The following CTSD variants were observed in gnomAD, a reference collection of about 807,000 sequenced individuals.
CTSD encodes cathepsin D, also known as ceroid-lipofuscinosis, neuronal 10.
In CTSD, 28 loss-of-function variants were observed where a neutral mutation model predicts 43.6. That is an observed-to-expected ratio of 0.64 (90% CI 0.48 to 0.88). The LOEUF (loss-of-function observed/expected upper bound fraction) is 0.88. Ranked by LOEUF, CTSD falls within the 40% of genes least tolerant of loss-of-function variation. The pLI, the probability that CTSD is intolerant of heterozygous loss-of-function variation, is 0.00. For synonymous variants in CTSD, 270 were observed against 249.8 expected, an observed-to-expected ratio of 1.08 and a Z score of -0.76; for missense variants, 485 against 555.2, an observed-to-expected ratio of 0.87 and a Z score of 1.27.
intron 5 of CTSD, 25 bp downstream of exon 5, chr11:1,757,299 A>T: frequency 6.3e-7 from 1 of 1,593,594 alleles, no homozygotes; most frequent in African/African-American, 1.3e-5. Context: ...AGCAACGCGG[A>T]GCGAGAGGGA....
In CTSD at chr11:1,763,855, T is replaced by A; in HGVS notation, c.5A>T (p.Gln2Leu). The change falls in exon 1 of 9, where the codon CAG (glutamine) becomes CTG (leucine). Residue 2 changes from glutamine (Q) to leucine (L), a missense_variant. Physicochemically the swap from Gln to Leu is moderately radical, Grantham distance 113. Coordinates refer to ENST00000236671, the MANE Select transcript of CTSD (RefSeq NM_001909.5). ...GGCGAGCGGCAGAAGGCTGGAGGGC[T>A]GCATGGCGGCGGCGGCCGGGTCGGA... Reference protein sequence around the residue: MQPSSLLPLALC... With the variant: MLPSSLLPLALC... The A allele has an allele frequency of 6.6e-7, 1 of 1,524,212 alleles. No individual in the cohort carries two copies. Among genetic ancestry groups the A allele is most frequent in the Non-Finnish European group, 8.8e-7 (1 of 1,141,232 alleles). The allele number at this position is 1,524,212 out of a possible 1,614,324, so 94.4% of individuals were successfully genotyped here.
intron 1 of CTSD, 130 bp from the exon 2 acceptor site, chr11:1,761,598 C>A (rs886999854): frequency 2.0e-6 from 2 of 994,344 alleles, no homozygotes; most frequent in African/African-American, 1.6e-5. Context: ...AAACTCCTGC[C>A]TGTCACCTGG....
At chr11:1,762,406 C>T (rs1487348376) in intron 1 of CTSD, 1 of 152,278 alleles carries the variant, frequency 6.6e-6, no homozygotes, top group Non-Finnish European at 1.5e-5. Context: ...GGTGTGAACC[C>T]ACTCCTTGTT....
intron 6 of CTSD, 149 bp downstream of exon 6, chr11:1,754,756 TG>T (rs1845788932): frequency 2.1e-6 from 2 of 966,866 alleles, no homozygotes; most frequent in Admixed American, 3.7e-5. Context: ...AGGAGGGGCA[TG>T]GAGGGCTGGT....
At chr11:1,757,814 C>T (rs1214690515) in intron 4 of CTSD, among the ~76,000 whole-genome samples, 1 of 152,208 alleles carries the variant, frequency 6.6e-6, no homozygotes, top group Non-Finnish European at 1.5e-5. Context: ...CACAGACGGG[C>T]AGGCCCCTTG....
At chr11:1,755,212 A>T (rs1419917469) in intron 5 of CTSD, 184 bp from the exon 6 acceptor site, 1 of 725,256 alleles carries the variant, frequency 1.4e-6, no homozygotes, top group East Asian at 2.7e-5. Flanking sequence ...TTCCCGGGGT[A>T]GGGCTGCTCT....
Position 1,762,139 on chromosome 11 carries a change from T to G in CTSD, c.69-671A>C, listed in dbSNP as rs1191159257. 4.3e-5 allele frequency: 7 copies of G among 162,112 alleles called. No homozygotes were observed. The East Asian group carries it at 1.3e-3, about 29-fold the overall frequency. The allele number at this position is 162,112 out of a possible 1,614,324, so 10.0% of individuals were successfully genotyped here. A position where few individuals can be genotyped will look rare whatever the true frequency, so the allele number is the denominator to read the frequency against. On this transcript the variant is annotated intron_variant, in intron 1 of 8. Transcript: ENST00000236671. ...TGTTTCTGGGCATCCGCACCTCTCC[T>G]CACTCCATGCGGCTCCACGAGGTCC... is the stretch of plus-strand genomic sequence containing the variant.
intron 6 of CTSD, 161 bp from the exon 7 acceptor site, chr11:1,754,299 G>A (rs1360713640): frequency 2.0e-5 from 16 of 804,332 alleles, no homozygotes; most frequent in Non-Finnish European, 3.0e-5. Context: ...AAGAGGGTGG[G>A]AGAGGAGACA....
rs1273386956 is a variant in CTSD at position 1,753,227 on chromosome 11, G to A, written c.*276C>T. The A allele has an allele frequency of 1.7e-5, 9 of 519,700 alleles. No homozygotes were observed. In the East Asian group the frequency reaches 3.1e-4, roughly 18 times the overall value. The allele number at this position is 519,700 out of a possible 1,614,324, so 32.2% of individuals were successfully genotyped here. On this transcript the variant is annotated 3_prime_UTR_variant, in exon 9 of 9. Coordinates refer to ENST00000236671, the MANE Select transcript of CTSD (RefSeq NM_001909.5). ...ACGAGCTCGGCTGCCAAGCTTGGGTGGGGTCTTCCAATGCACGAAACAGAT... is the reference window on the plus strand; with the variant it reads ...ACGAGCTCGGCTGCCAAGCTTGGGTAGGGTCTTCCAATGCACGAAACAGAT...
intron 4 of CTSD, chr11:1,757,833 C>T: frequency 1.9e-6 from 1 of 513,100 alleles, no homozygotes; most frequent in Non-Finnish European, 3.6e-6. Flanking sequence ...TGCTCCGCTC[C>T]CTGCTCCGAC....
rs766306266 is a variant in CTSD at position 1,755,020 on chromosome 11, T to C, written c.713A>G (p.Asp238Gly). 11 of 1,613,794 alleles carry C rather than the reference T, an allele frequency of 6.8e-6. No homozygotes were observed. The highest frequency in any genetic ancestry group is 9.3e-6 in the Non-Finnish European group (11 of 1,179,884). The stretch of plus-strand genomic sequence containing the variant: ...CATCAGCTCACCCCCAGGCTGCGCA[T>C]CTGGGTCCCTAGGAGGAAAAGGGAG... ...IFSFYLSRDPDAQPGGELMLG... is the reference protein window; with the variant it reads ...IFSFYLSRDPGAQPGGELMLG... Residue 238 changes from aspartate to glycine, a missense_variant, in exon 6 of 9, where the codon GAT becomes GGT. By Grantham distance (94) the Asp-to-Gly change is moderately conservative. Coordinates refer to ENST00000236671, the MANE Select transcript of CTSD (RefSeq NM_001909.5).
intron 1 of CTSD, chr11:1,762,489 AG>A (rs2133667418): frequency 6.6e-6 from 1 of 152,330 alleles, no homozygotes; most frequent in Non-Finnish European, 1.5e-5. Context: ...TGAGAGTACA[AG>A]GTCATAGCTG....
chr11:1,756,272 C>G (rs1005629508), intron 5 of CTSD, among the ~76,000 whole-genome samples: 2 of 152,232 alleles, frequency 1.3e-5, no homozygotes, highest in Non-Finnish European at 1.5e-5. Context: ...GACCCCTTTT[C>G]ACCTGGCTGC....
At chr11:1,759,416 G>A in intron 3 of CTSD, 100 bp downstream of exon 3, 3 of 1,547,540 alleles carry the variant, frequency 1.9e-6, no homozygotes, top group Non-Finnish European at 2.6e-6. Context: ...GGGGCCAAGA[G>A]GCAGGAGAAT....
intron 5 of CTSD, among the ~76,000 whole-genome samples, chr11:1,756,050 CCCT>C (rs1434376151): frequency 6.6e-6 from 1 of 152,146 alleles, no homozygotes; most frequent in Non-Finnish European, 1.5e-5. Context: ...CTCTGTGTGC[CCCT>C]CCTTCCACCT....
At chr11:1,761,667 T>A in intron 1 of CTSD, 199 bp from the exon 2 acceptor site, 1 of 659,824 alleles carries the variant, frequency 1.5e-6, no homozygotes, top group Non-Finnish European at 2.7e-6. Context: ...CCCCGCCAGG[T>A]TGCACAGGCC....
At chr11:1,757,272 GC>G in intron 5 of CTSD, 51 bp downstream of exon 5, 1 of 1,487,658 alleles carries the variant, frequency 6.7e-7, no homozygotes, top group Non-Finnish European at 9.3e-7. Flanking sequence ...TCCCCGTCCA[GC>G]CCCGCCCTGC....
At position 1,760,021 on chromosome 11, in the gene CTSD, C is replaced by T. The variant is rs190294502; in HGVS notation, c.229-382G>A. On this transcript the variant is annotated intron_variant, in intron 2 of 8. Coordinates refer to ENST00000236671, the MANE Select transcript of CTSD (RefSeq NM_001909.5). ...GGAAAGCCCGGCCTGGAAGACTCCC[C>T]TGGTGGCCCGCAGTCCAAGGTCTGA... Among the ~76,000 whole-genome samples the T allele has an allele frequency of 1.6e-3, 247 of 152,328 alleles. 1 individual carries two copies. The highest frequency in any genetic ancestry group is 2.7e-3 in the Non-Finnish European group (184 of 68,016).
In CTSD at chr11:1,753,506, G is replaced by C. The variant is rs1565018392; in HGVS notation, c.1236C>G (p.Leu412=). 1 of 1,612,958 alleles carries C rather than the reference G, an allele frequency of 6.2e-7. No individual in the cohort carries two copies. The highest frequency in any genetic ancestry group is 1.1e-5 in the South Asian group (1 of 91,080). ...NRVGFAEAAR[L] is the part of the protein sequence containing the mutation. ...TGGCGCGCGGACGCCTTGGGAACTAGAGGCGGGCAGCCTCGGCGAAGCCCA... is the reference window on the plus strand; with the variant it reads ...TGGCGCGCGGACGCCTTGGGAACTACAGGCGGGCAGCCTCGGCGAAGCCCA... The change falls in exon 9 of 9, where the codon CTC becomes CTG. Residue 412 remains leucine (L), a synonymous_variant. Transcript: ENST00000236671.
Sources: allele counts gnomAD v4.1 joint callset (sites outside exome capture counted in the v4.1 genomes callset), GRCh38; gene constraint gnomAD v4.1.1; transcripts MANE v1.5; gene names NCBI Gene and HGNC (gene_info 2026-07-23, HGNC 2026-07-21).